Variants in PCMT1 observed in about 807,000 individuals in gnomAD.
The protein encoded by PCMT1 is protein-L-isoaspartate (D-aspartate) O-methyltransferase.
PCMT1 carries 9 observed loss-of-function variants against 29.2 expected under a neutral mutation model. The ratio of observed to expected loss-of-function variants is 0.31; its 90% CI spans 0.19 to 0.54. The LOEUF is 0.54. Ranked by LOEUF, PCMT1 falls within the 20% of genes least tolerant of loss-of-function variation. The pLI is 0.95. For missense variants in PCMT1, 184 were observed against 282.2 expected, an observed-to-expected ratio of 0.65 and a Z score of 2.49; for synonymous variants, 98 against 97.5, an observed-to-expected ratio of 1.00 and a Z score of -0.03.
intron 6 of PCMT1, among the ~76,000 whole-genome samples, chr6:149,800,419 A>T (rs1259091917): frequency 6.6e-6 from 1 of 152,164 alleles, no homozygotes; most frequent in Admixed American, 6.5e-5. Context: ...CAGTGAGCCG[A>T]GATCGTGCCA....
chr6:149,786,855 C>G (rs1788120771), intron 3 of PCMT1, among the ~76,000 whole-genome samples: 1 of 148,766 alleles, frequency 6.7e-6, no homozygotes, highest in South Asian at 2.1e-4. Context: ...GGCAGAGACG[C>G]TCCTCATATC....
chr6:149,759,332 G>A (rs540981020), intron 1 of PCMT1, among the ~76,000 whole-genome samples: 12 of 152,268 alleles, frequency 7.9e-5, no homozygotes, highest in African/African-American at 2.9e-4. Context: ...TTCCAGACAT[G>A]TTGATAGCAG....
intron 7 of PCMT1, among the ~76,000 whole-genome samples, chr6:149,805,279 A>G (rs983879360): frequency 2.6e-5 from 4 of 152,186 alleles, no homozygotes; most frequent in Non-Finnish European, 4.4e-5. Flanking sequence ...ACAATTAGTC[A>G]TCTGCTAAAC....
At chr6:149,785,417 AT>A (rs1298653344) in intron 3 of PCMT1, among the ~76,000 whole-genome samples, 207 of 59,566 alleles carry the variant, frequency 3.5e-3, no homozygotes, top group Middle Eastern at 9.4e-3. Flanking sequence ...TTTTATTTTT[AT>A]TTTTTTTTAT....
intron 3 of PCMT1, among the ~76,000 whole-genome samples, chr6:149,786,939 A>G (rs1253029956): frequency 7.2e-6 from 1 of 139,258 alleles, no homozygotes; most frequent in Non-Finnish European, 1.5e-5. Context: ...GCTGGGAGGT[A>G]GAGGTTGTAG....
At chr6:149,806,272 A>G (rs1418896914) in intron 7 of PCMT1, among the ~76,000 whole-genome samples, 1 of 152,202 alleles carries the variant, frequency 6.6e-6, no homozygotes, top group East Asian at 1.9e-4. Context: ...GGTAGTGTTC[A>G]GACTCGCGGT....
chr6:149,763,602 G>T (rs1786953045), intron 1 of PCMT1, among the ~76,000 whole-genome samples: 1 of 152,052 alleles, frequency 6.6e-6, no homozygotes, highest in South Asian at 2.1e-4. Flanking sequence ...ACATAAATTT[G>T]ATAGAAGTAT....
At chr6:149,774,364 T>G in intron 3 of PCMT1, among the ~76,000 whole-genome samples, 1 of 149,516 alleles carries the variant, frequency 6.7e-6, no homozygotes, top group Middle Eastern at 3.3e-3. Context: ...CTCAGCCTCC[T>G]GAGTAACTAG....
At chr6:149,786,518 C>T (rs1401768499) in intron 3 of PCMT1, among the ~76,000 whole-genome samples, 2 of 120,978 alleles carry the variant, frequency 1.7e-5, no homozygotes, top group Admixed American at 8.3e-5. Context: ...ACTTCTCAGA[C>T]GGGGCGGCTG....
intron 1 of PCMT1, 181 bp downstream of exon 1, chr6:149,750,137 CTCG>C: frequency 1.2e-6 from 1 of 819,144 alleles, no homozygotes; most frequent in Non-Finnish European, 1.8e-6. Context: ...GGACCTGTCA[CTCG>C]TCGACGACGT....
At chr6:149,796,199 T>G (rs1254048633) in intron 5 of PCMT1, 1 of 387,656 alleles carries the variant, frequency 2.6e-6, no homozygotes, top group Non-Finnish European at 4.6e-6. Flanking sequence ...TAACTCCAGT[T>G]TTTCATCAAA....
intron 5 of PCMT1, among the ~76,000 whole-genome samples, chr6:149,794,182 C>G (rs1788499996): frequency 6.6e-6 from 1 of 152,102 alleles, no homozygotes; most frequent in Non-Finnish European, 1.5e-5. Context: ...TTCTTAGAAC[C>G]TTTATCATTT....
At chr6:149,803,333 T>C (rs567893724) in intron 7 of PCMT1, among the ~76,000 whole-genome samples, 1 of 152,112 alleles carries the variant, frequency 6.6e-6, no homozygotes, top group Admixed American at 6.6e-5. Context: ...CTATTCTGGC[T>C]AAATTCCTAG....
chr6:149,785,950 G>C (rs1412688041), intron 3 of PCMT1, among the ~76,000 whole-genome samples: 1 of 151,440 alleles, frequency 6.6e-6, no homozygotes. Flanking sequence ...GTGGTGGCCG[G>C]GCAGAGGGGC....
chr6:149,781,967 C>T (rs569866868), intron 3 of PCMT1, among the ~76,000 whole-genome samples: 111 of 152,230 alleles, frequency 7.3e-4, no homozygotes, highest in African/African-American at 2.4e-3. Flanking sequence ...AATTTGGTTC[C>T]TCTAGGTACA....
intron 7 of PCMT1, among the ~76,000 whole-genome samples, chr6:149,803,229 A>G (rs1042746188): frequency 2.6e-5 from 4 of 152,144 alleles, no homozygotes; most frequent in Non-Finnish European, 5.9e-5. Context: ...CAACCAAATC[A>G]TAGATACCTG....
intron 5 of PCMT1, 137 bp downstream of exon 5, chr6:149,793,806 A>T: frequency 1.4e-6 from 1 of 718,320 alleles, no homozygotes; most frequent in Non-Finnish European, 2.0e-6. Flanking sequence ...AATAAAAACG[A>T]TTATTTTTGC....
chr6:149,772,132 ATCT>A (rs920528867), intron 2 of PCMT1: 2 of 456,482 alleles, frequency 4.4e-6, no homozygotes, highest in Admixed American at 2.4e-5. Context: ...CTGCCATGCT[ATCT>A]TCTTTTGACG....
intron 3 of PCMT1, among the ~76,000 whole-genome samples, chr6:149,780,505 C>G (rs932670119): frequency 2.6e-5 from 4 of 152,174 alleles, no homozygotes; most frequent in Non-Finnish European, 5.9e-5. Flanking sequence ...CATTAGCAGT[C>G]AGATCCCAAC....
Sources: allele counts gnomAD v4.1 joint callset (sites outside exome capture counted in the v4.1 genomes callset), GRCh38; gene constraint gnomAD v4.1.1; transcripts MANE v1.5; gene names NCBI Gene and HGNC (gene_info 2026-07-23, HGNC 2026-07-21).